Variants in CSMD3 observed in about 807,000 individuals in gnomAD.
The protein encoded by CSMD3 is CUB and Sushi multiple domains 3, also known as CUB and sushi domain-containing protein 3.
A neutral mutation model predicts 435.2 loss-of-function variants in CSMD3; 177 were observed. The ratio of observed to expected loss-of-function variants is 0.41; its 90% CI spans 0.36 to 0.46. The LOEUF (loss-of-function observed/expected upper bound fraction) is 0.46, where lower values mean the gene tolerates loss of function less well. Ranked by LOEUF, CSMD3 falls within the 20% of genes least tolerant of loss-of-function variation. The pLI is 0.34. For missense variants in CSMD3, 4,265 were observed against 4,504.6 expected, an observed-to-expected ratio of 0.95 and a Z score of 1.52; for synonymous variants, 1,656 against 1,520.5, an observed-to-expected ratio of 1.09 and a Z score of -2.07.
At position 113,229,487 on chromosome 8, in the gene CSMD3, A is replaced by C. The variant is rs1019435358; in HGVS notation, c.514+49105T>G. 2.8e-5 allele frequency among the ~76,000 whole-genome samples: 4 copies of C among 141,612 alleles called. 1 individual carries two copies. The Admixed American group carries it at 2.8e-4, about 10-fold the overall frequency. The allele number at this position is 141,612 out of a possible 152,430, so 92.9% of individuals were successfully genotyped here. A position where few individuals can be genotyped will look rare whatever the true frequency, so the allele number is the denominator to read the frequency against. ...AAGTCTCTTTCACACCTTTGCCAGC[A>C]AAAAAAAAAAAAATTATATTCAGTA... On this transcript the variant is annotated intron_variant, in intron 3 of 70. Coordinates refer to ENST00000297405, the MANE Select transcript of CSMD3 (RefSeq NM_198123.2).
chr8:112,577,892 A>T (rs1251348495), intron 23 of CSMD3, among the ~76,000 whole-genome samples: 1 of 152,116 alleles, frequency 6.6e-6, no homozygotes, highest in Non-Finnish European at 1.5e-5. Context: ...TTAGCAATTA[A>T]GGTGTTAACA....
intron 10 of CSMD3, among the ~76,000 whole-genome samples, chr8:112,877,954 C>G: frequency 6.6e-6 from 1 of 152,066 alleles, no homozygotes; most frequent in African/African-American, 2.4e-5. Flanking sequence ...AAACCTAAAA[C>G]CATAAAAACC....
chr8:112,295,182 A>T (rs1442014754), intron 54 of CSMD3, among the ~76,000 whole-genome samples: 1 of 152,154 alleles, frequency 6.6e-6, no homozygotes, highest in East Asian at 1.9e-4. Flanking sequence ...TGATATATTT[A>T]AAAATGCAAT....
chr8:112,416,545 G>GGAA (rs1274360628), intron 32 of CSMD3, among the ~76,000 whole-genome samples: 1 of 152,084 alleles, frequency 6.6e-6, no homozygotes, highest in African/African-American at 2.4e-5. Flanking sequence ...AGAAACTTTT[G>GGAA]GAAGTCACTT....
At chr8:113,274,250 C>T (rs961807215) in intron 3 of CSMD3, among the ~76,000 whole-genome samples, 9 of 151,318 alleles carry the variant, frequency 5.9e-5, no homozygotes, top group African/African-American at 2.2e-4. Context: ...GAAATATTTG[C>T]CTAAAGAATA....
chr8:113,106,466 C>A (rs1202268509), intron 4 of CSMD3, among the ~76,000 whole-genome samples: 1 of 152,054 alleles, frequency 6.6e-6, no homozygotes, highest in East Asian at 1.9e-4. Flanking sequence ...AACAGATATC[C>A]CCTATAGGAA....
At chr8:112,953,310 ATT>A (rs2083894668) in intron 8 of CSMD3, among the ~76,000 whole-genome samples, 1 of 151,472 alleles carries the variant, frequency 6.6e-6, no homozygotes, top group African/African-American at 2.4e-5. Context: ...GATTTTTTAA[ATT>A]TGTCTTTTTT....
At chr8:113,059,625 GA>G (rs1488139430) in intron 5 of CSMD3, among the ~76,000 whole-genome samples, 2 of 152,140 alleles carry the variant, frequency 1.3e-5, no homozygotes, top group African/African-American at 4.8e-5. Context: ...CTTAAATGTT[GA>G]AAAAGATCTG....
chr8:112,342,708 C>T (rs932293881), intron 41 of CSMD3, among the ~76,000 whole-genome samples: 16 of 151,676 alleles, frequency 1.1e-4, no homozygotes, highest in Non-Finnish European at 1.9e-4. Flanking sequence ...TGAGTAAACG[C>T]GCATCATGTT....
chr8:112,297,950 A>T (rs1194392594), intron 53 of CSMD3, among the ~76,000 whole-genome samples: 2 of 151,804 alleles, frequency 1.3e-5, no homozygotes, highest in African/African-American at 4.8e-5. Context: ...GCAAGACCCT[A>T]TCTAAAAAAT....
chr8:112,394,341 A>G (rs1830694427), intron 35 of CSMD3, among the ~76,000 whole-genome samples: 1 of 151,934 alleles, frequency 6.6e-6, no homozygotes, highest in Non-Finnish European at 1.5e-5. Context: ...ATAGGCTTCT[A>G]ATCAGTCATA....
chr8:112,414,037 T>C (rs1191592072), intron 32 of CSMD3, among the ~76,000 whole-genome samples: 1 of 152,150 alleles, frequency 6.6e-6, no homozygotes, highest in Non-Finnish European at 1.5e-5. Flanking sequence ...CCCTCATCCC[T>C]GATGTTTCCT....
intron 1 of CSMD3, among the ~76,000 whole-genome samples, chr8:113,320,493 AAAC>A (rs1461044453): frequency 3.3e-5 from 5 of 152,128 alleles, no homozygotes; most frequent in Non-Finnish European, 4.4e-5. Flanking sequence ...GGTTTCTGAC[AAAC>A]AACATTCACA....
chr8:112,853,223 CT>C (rs1382331648), intron 11 of CSMD3, among the ~76,000 whole-genome samples: 2 of 151,706 alleles, frequency 1.3e-5, no homozygotes, highest in East Asian at 1.9e-4. Context: ...TTTCTTTTTT[CT>C]TTTTTTTCTT....
In CSMD3 at chr8:112,301,779, T is replaced by G. The variant is rs2130756381; in HGVS notation, c.8440+14A>C. 1 of 1,610,790 alleles carries G rather than the reference T, an allele frequency of 6.2e-7. No homozygotes were observed. Among genetic ancestry groups the G allele is most frequent in the Non-Finnish European group, 8.5e-7 (1 of 1,177,158 alleles). On this transcript the variant is annotated intron_variant, in intron 53 of 70. Coordinates refer to ENST00000297405, the MANE Select transcript of CSMD3 (RefSeq NM_198123.2). ...CAGGGGGAAGTTTGACAAAAACAAA[T>G]TAAAAATCTGTACCTAGGCATCTGG...
intron 53 of CSMD3, among the ~76,000 whole-genome samples, chr8:112,300,389 GT>G (rs1820804758): frequency 1.3e-5 from 2 of 151,048 alleles, no homozygotes; most frequent in Non-Finnish European, 1.5e-5. Context: ...ACCAAAATCA[GT>G]TTACAAACTA....
intron 10 of CSMD3, among the ~76,000 whole-genome samples, chr8:112,881,659 G>C (rs944700962): frequency 2.0e-5 from 3 of 151,900 alleles, no homozygotes; most frequent in African/African-American, 7.2e-5. Flanking sequence ...TGATATGAAG[G>C]CAGCATAATA....
chr8:112,886,769 T>C (rs1352195638), intron 10 of CSMD3, among the ~76,000 whole-genome samples: 1 of 151,696 alleles, frequency 6.6e-6, no homozygotes, highest in African/African-American at 2.4e-5. Context: ...AATGTGGTAG[T>C]ATTTACATAC....
intron 32 of CSMD3, among the ~76,000 whole-genome samples, chr8:112,449,668 T>C (rs1286078466): frequency 6.6e-6 from 1 of 152,190 alleles, no homozygotes; most frequent in Non-Finnish European, 1.5e-5. Flanking sequence ...TCATATCTTA[T>C]GGTATTTCTA....
Sources: gnomAD v4.1 joint callset for allele counts (sites outside exome capture counted in the v4.1 genomes callset) on GRCh38, gnomAD v4.1.1 for gene constraint, MANE v1.5 for transcripts, NCBI Gene and HGNC (gene_info 2026-07-23, HGNC 2026-07-21) for gene names.